CXADR: variants seen among roughly 807,000 people sequenced by gnomAD.
CXADR encodes CXADR cell adhesion molecule, also known as coxsackievirus and adenovirus receptor.
CXADR carries 20 observed loss-of-function variants against 40.3 expected under a neutral mutation model. That is an observed-to-expected ratio of 0.50 (90% confidence interval 0.35 to 0.72). CXADR has a LOEUF of 0.72. Ranked by LOEUF, CXADR falls within the 30% of genes least tolerant of loss-of-function variation. The probability of loss-of-function intolerance (pLI) is 0.01; values close to 1 mark genes in which losing one functional copy is unlikely to be tolerated. For synonymous variants in CXADR, 150 were observed against 161.3 expected, an observed-to-expected ratio of 0.93 and a Z score of 0.53; for missense variants, 332 against 449.1, an observed-to-expected ratio of 0.74 and a Z score of 2.36.
At chr21:17,593,112 C>CA (rs2061455693) in intron 7 of CXADR, 1 of 1,314,546 alleles carries the variant, frequency 7.6e-7, no homozygotes, top group Non-Finnish European at 9.8e-7. Context: ...GGAGAAAAAT[C>CA]AAAACTCTTA....
chr21:17,612,165 G>C, the CXADR span: 1 of 152,346 alleles, frequency 6.6e-6, no homozygotes, highest in Non-Finnish European at 1.5e-5. Flanking sequence ...CTGCAATCCC[G>C]GTTTTCCCCA....
chr21:17,587,646 A>C (rs532645376), intron 7 of CXADR, among the ~76,000 whole-genome samples: 2 of 152,334 alleles, frequency 1.3e-5, no homozygotes, highest in East Asian at 3.9e-4. Flanking sequence ...GCCCTTTGTC[A>C]GGTGAGTAGG....
intron 2 of CXADR, among the ~76,000 whole-genome samples, chr21:17,548,993 A>G (rs2060933462): frequency 6.6e-6 from 1 of 152,212 alleles, no homozygotes; most frequent in South Asian, 2.1e-4. Flanking sequence ...CCCTATTTTA[A>G]TATATTTCAG....
intron 6 of CXADR, 76 bp from the exon 7 acceptor site, chr21:17,565,352 A>G (rs1408416231): frequency 4.7e-6 from 7 of 1,489,024 alleles, no homozygotes; most frequent in Non-Finnish European, 6.4e-6. Context: ...GCTCTTATCC[A>G]TGATTCATAG....
chr21:17,516,848 G>A (rs1328199763), intron 1 of CXADR, among the ~76,000 whole-genome samples: 1 of 152,106 alleles, frequency 6.6e-6, no homozygotes, highest in Non-Finnish European at 1.5e-5. Context: ...GTGAGGTAAT[G>A]CATATGTTAA....
rs1259263849 is a variant in CXADR, at chr21:17,567,928, C to T, written c.*2236C>T. On this transcript the variant is annotated 3_prime_UTR_variant, in exon 7 of 7. Coordinates refer to ENST00000284878, the MANE Select transcript of CXADR (RefSeq NM_001338.5). ...CCCATATACTTCATATTTTAGAGGA[C>T]ATTGTTTTAAAGGCTTATGTCTCAC... The T allele has an allele frequency of 4.1e-6, 4 of 981,266 alleles. No individual in the cohort carries two copies. Among genetic ancestry groups the T allele is most frequent in the African/African-American group, 1.8e-5 (1 of 56,842 alleles). The allele number at this position is 981,266 out of a possible 1,614,324, so 60.8% of individuals were successfully genotyped here. A position where few individuals can be genotyped will look rare whatever the true frequency, so the allele number is the denominator to read the frequency against.
chr21:17,549,999 ACTT>A, intron 2 of CXADR, among the ~76,000 whole-genome samples: 1 of 152,342 alleles, frequency 6.6e-6, no homozygotes, highest in African/African-American at 2.4e-5. Context: ...CCCGTCAACT[ACTT>A]CTTTTATTTA....
chr21:17,523,058 T>C (rs2060551462), intron 1 of CXADR, among the ~76,000 whole-genome samples: 1 of 152,226 alleles, frequency 6.6e-6, no homozygotes, highest in Non-Finnish European at 1.5e-5. Context: ...TAATCTAGGT[T>C]ATACCATTCT....
At position 17,549,737 on chromosome 21, in the gene CXADR, C is replaced by T. The variant is rs561902801; in HGVS notation, c.211-2012C>T. Among the ~76,000 whole-genome samples the T allele has an allele frequency of 1.5e-4, 23 of 152,272 alleles. 1 individual carries two copies. The South Asian group carries it at 2.9e-3, about 19-fold the overall frequency. On this transcript the variant is annotated intron_variant, in intron 2 of 6. Transcript: ENST00000284878. ...AATGCATCTTATTTCTCAAGCCCCCCTTAAAGGACTACTAAGGTGTGTGTG... is the reference window on the plus strand; with the variant it reads ...AATGCATCTTATTTCTCAAGCCCCCTTTAAAGGACTACTAAGGTGTGTGTG...
At chr21:17,537,759 C>G (rs1475684629) in intron 1 of CXADR, among the ~76,000 whole-genome samples, 1 of 151,846 alleles carries the variant, frequency 6.6e-6, no homozygotes, top group African/African-American at 2.4e-5. Flanking sequence ...CAAAATTTTG[C>G]TCTGCTAAAA....
intron 1 of CXADR, chr21:17,518,967 A>C (rs1442657385): frequency 1.2e-6 from 2 of 1,609,088 alleles, no homozygotes; most frequent in East Asian, 4.5e-5. Context: ...CCTGAGCCTG[A>C]AGTTTGGCTA....
At chr21:17,553,251 T>A (rs1233075085) in intron 3 of CXADR, among the ~76,000 whole-genome samples, 1 of 152,156 alleles carries the variant, frequency 6.6e-6, no homozygotes, top group African/African-American at 2.4e-5. Context: ...ACCCAACACT[T>A]AACTACTCCT....
At chr21:17,605,171 G>C in the CXADR span, 1 of 685,078 alleles carries the variant, frequency 1.5e-6, no homozygotes, top group Non-Finnish European at 2.2e-6. Context: ...TACAGGCACA[G>C]AGGCAGCCTG....
chr21:17,634,988 C>T, the CXADR span, among the ~76,000 whole-genome samples: 1 of 152,142 alleles, frequency 6.6e-6, no homozygotes, highest in African/African-American at 2.4e-5. Context: ...ATTCCTTGGA[C>T]ATAATCCCAT....
chr21:17,583,651 A>G (rs1201163774), intron 7 of CXADR, among the ~76,000 whole-genome samples: 1 of 152,218 alleles, frequency 6.6e-6, no homozygotes, highest in Non-Finnish European at 1.5e-5. Context: ...GAACAGACAT[A>G]TTTTAATGAT....
At chr21:17,530,733 G>A (rs1333508405) in intron 1 of CXADR, among the ~76,000 whole-genome samples, 2 of 152,152 alleles carry the variant, frequency 1.3e-5, no homozygotes, top group African/African-American at 2.4e-5. Flanking sequence ...AGAATCACTT[G>A]AGCCCAGGAG....
intron 1 of CXADR, among the ~76,000 whole-genome samples, chr21:17,523,784 T>C (rs2123129062): frequency 6.6e-6 from 1 of 152,274 alleles, no homozygotes; most frequent in South Asian, 2.1e-4. Flanking sequence ...CTAACTTCTG[T>C]TTCTTAAGAA....
downstream of CXADR, chr21:17,594,427 C>T (rs1485593539): frequency 7.2e-7 from 1 of 1,396,354 alleles, no homozygotes; most frequent in African/African-American, 1.5e-5. Flanking sequence ...TTACCCACAA[C>T]ACTGAGATCA....
At chr21:17,607,563 CTT>C in the CXADR span, among the ~76,000 whole-genome samples, 3 of 152,198 alleles carry the variant, frequency 2.0e-5, no homozygotes, top group African/African-American at 7.2e-5. Context: ...CACAAGCTCA[CTT>C]GACTTTCAGT....
Sources: gnomAD v4.1 joint callset for allele counts (sites outside exome capture counted in the v4.1 genomes callset) on GRCh38, gnomAD v4.1.1 for gene constraint, MANE v1.5 for transcripts, NCBI Gene and HGNC (gene_info 2026-07-23, HGNC 2026-07-21) for gene names.